The following LBR variants were observed in gnomAD, a reference collection of about 807,000 sequenced individuals.
LBR encodes delta(14)-sterol reductase LBR.
A neutral mutation model predicts 74.3 loss-of-function variants in LBR; 28 were observed. That is an observed-to-expected ratio of 0.38 (90% confidence interval 0.28 to 0.52). The LOEUF (loss-of-function observed/expected upper bound fraction) is 0.52. Ranked by LOEUF, LBR falls within the 20% of genes least tolerant of loss-of-function variation. The probability of loss-of-function intolerance (pLI) is 0.89; values close to 1 mark genes in which losing one functional copy is unlikely to be tolerated. For missense variants in LBR, 717 were observed against 760.3 expected (o/e 0.94, Z 0.67); for synonymous variants, 228 against 269.3 (o/e 0.85, Z 1.50).
At chr1:225,406,426 T>C in intron 11 of LBR, 1 of 384,960 alleles carries the variant, frequency 2.6e-6, no homozygotes, top group South Asian at 6.5e-5. Context: ...TTAAATTTAT[T>C]AAATTTAAAA....
Position 225,402,140 on chromosome 1 carries a change from C to T in LBR, c.*1163G>A, listed in dbSNP as rs186699858. Reference sequence around the variant, plus strand: ...TGCACATCTATTAAACTAAAAGAAACGACTTTAACCCCTTCAGTTGTTTTT... The same window carrying T: ...TGCACATCTATTAAACTAAAAGAAATGACTTTAACCCCTTCAGTTGTTTTT... On this transcript the variant is annotated 3_prime_UTR_variant, in exon 14 of 14. Coordinates refer to ENST00000272163, the MANE Select transcript of LBR (RefSeq NM_002296.4). The T allele has an allele frequency of 2.0e-5, 3 of 152,250 alleles. No individual in the cohort carries two copies. The highest frequency in any genetic ancestry group is 6.5e-5 in the Admixed American group (1 of 15,304). 9.4% of individuals were successfully genotyped at this position (152,250 alleles called of 1,614,324 possible).
In LBR at chr1:225,410,274, C is replaced by T; in HGVS notation, c.1314+17G>A. 3.7e-6 allele frequency: 6 copies of T among 1,613,816 alleles called. No homozygotes were observed. Among genetic ancestry groups the T allele is most frequent in the Non-Finnish European group, 5.1e-6 (6 of 1,179,862 alleles). Reference sequence around the variant, plus strand: ...AAGCCATCTGACTCCAAGGCCTCGGCTCTTAAAATTAATTACCTCATTCCA... The same window carrying T: ...AAGCCATCTGACTCCAAGGCCTCGGTTCTTAAAATTAATTACCTCATTCCA... On this transcript the variant is annotated intron_variant, in intron 10 of 13. Transcript: ENST00000272163.
Position 225,401,730 on chromosome 1 carries a change from T to C in LBR, c.*1573A>G, listed in dbSNP as rs948540156. 6.6e-6 allele frequency: 1 copy of C among 152,178 alleles called. No homozygotes were observed. Among genetic ancestry groups the C allele is most frequent in the African/African-American group, 2.4e-5 (1 of 41,426 alleles). The allele number at this position is 152,178 out of a possible 1,614,324, so 9.4% of individuals were successfully genotyped here. Reference sequence around the variant, plus strand: ...CAGTACAGAAAACGCCACCACTTTCTGATGCCAGGAGAAAAGCAAAATAAA... The same window carrying C: ...CAGTACAGAAAACGCCACCACTTTCCGATGCCAGGAGAAAAGCAAAATAAA... On this transcript the variant is annotated 3_prime_UTR_variant, in exon 14 of 14. Transcript: ENST00000272163.
upstream of LBR, chr1:225,428,609 C>T (rs2096146039): frequency 6.6e-6 from 1 of 152,190 alleles, no homozygotes; most frequent in South Asian, 2.1e-4. Flanking sequence ...CTTTTGTGTC[C>T]GCGGCCGCTG....
At chr1:225,419,957 G>A (rs2096124580) in intron 3 of LBR, among the ~76,000 whole-genome samples, 159 bp from the exon 4 acceptor site, 2 of 152,076 alleles carry the variant, frequency 1.3e-5, no homozygotes, top group Admixed American at 1.3e-4. Context: ...AAATGAAAAG[G>A]AATAAAACTG....
rs948117253 is a variant in LBR at position 225,417,136 on chromosome 1, G to C, written c.837+848C>G. The stretch of plus-strand genomic sequence containing the variant: ...CTGAATTTAACTGTAGAGGCTTACT[G>C]TAGAAATGACTGAAGGTCTTTATCA... On this transcript the variant is annotated intron_variant, in intron 6 of 13. Coordinates refer to ENST00000272163, the MANE Select transcript of LBR (RefSeq NM_002296.4). 2.0e-5 allele frequency among the ~76,000 whole-genome samples: 3 copies of C among 152,112 alleles called. No individual in the cohort carries two copies. In the East Asian group the frequency reaches 5.8e-4, roughly 29 times the overall value.
intron 5 of LBR, among the ~76,000 whole-genome samples, 200 bp from the exon 6 acceptor site, chr1:225,418,380 A>C (rs1460034871): frequency 1.3e-5 from 2 of 151,970 alleles, no homozygotes; most frequent in African/African-American, 4.8e-5. Context: ...TAGTAAAAAA[A>C]ATAAATAAAT....
At chr1:225,422,471 G>A in intron 2 of LBR, 194 bp from the exon 3 acceptor site, 2 of 610,336 alleles carry the variant, frequency 3.3e-6, no homozygotes, top group Non-Finnish European at 5.9e-6. Context: ...TCTTTCATGA[G>A]ACAAATGCAG....
intron 9 of LBR, among the ~76,000 whole-genome samples, chr1:225,410,658 C>T (rs892879237): frequency 2.0e-5 from 3 of 152,186 alleles, no homozygotes; most frequent in African/African-American, 4.8e-5. Flanking sequence ...AAAGAGAACA[C>T]TGGAATGACC....
upstream of LBR, among the ~76,000 whole-genome samples, chr1:225,428,461 A>C (rs1235536681): frequency 6.6e-6 from 1 of 152,168 alleles, no homozygotes; most frequent in African/African-American, 2.4e-5. Flanking sequence ...AAGAAAACTA[A>C]TACATTCTTG....
At chr1:225,416,213 A>G (rs1538929) in intron 6 of LBR, among the ~76,000 whole-genome samples, 91,042 of 138,134 alleles carry the variant, frequency 0.66, 32,424 homozygotes, top group East Asian at 0.87. Flanking sequence ...AAAAAAAAAA[A>G]AGAGAGAGAG....
chr1:225,415,204 T>C (rs1202523511), intron 7 of LBR, 74 bp downstream of exon 7: 4 of 1,024,468 alleles, frequency 3.9e-6, no homozygotes, highest in Non-Finnish European at 6.0e-6. Context: ...TCTAATCAGC[T>C]TTAACAAAGA....
At chr1:225,425,654 T>C (rs2096137700) in intron 1 of LBR, among the ~76,000 whole-genome samples, 1 of 152,136 alleles carries the variant, frequency 6.6e-6, no homozygotes, top group Non-Finnish European at 1.5e-5. Context: ...AGCCTCCAAG[T>C]ACAAAGAAAG....
At chr1:225,419,624 C>T in intron 4 of LBR, 91 bp downstream of exon 4, 1 of 1,069,536 alleles carries the variant, frequency 9.3e-7, no homozygotes, top group South Asian at 1.3e-5. Context: ...TAAAATATTA[C>T]AATTTTCAAT....
intron 7 of LBR, chr1:225,414,328 T>A (rs925029422): frequency 8.8e-6 from 3 of 342,514 alleles, no homozygotes; most frequent in African/African-American, 6.4e-5. Context: ...CTAAACAAAG[T>A]ATCCAAAGTT....
At position 225,412,534 on chromosome 1, in the gene LBR, A is replaced by C. The variant is rs950583872; in HGVS notation, c.1004T>G (p.Val335Gly). 1 of 1,614,162 alleles carries C rather than the reference A, an allele frequency of 6.2e-7. No individual in the cohort carries two copies. Among genetic ancestry groups the C allele is most frequent in the Non-Finnish European group, 8.5e-7 (1 of 1,180,030 alleles). Residue 335 changes from valine (V) to glycine (G), a missense_variant, in exon 8 of 14, where the codon GTT (valine) becomes GGT (glycine). By Grantham distance (109) the Val-to-Gly change is moderately radical (BLOSUM62 -3). Coordinates refer to ENST00000272163, the MANE Select transcript of LBR (RefSeq NM_002296.4). ...HFLQFALAATVFCVVLSVYLY... is the reference protein window; with the variant it reads ...HFLQFALAATGFCVVLSVYLY... ...ATACACACTCAAGACCACACAAAAA[A>C]CAGTGGCCGCAAGTGCAAACTGAAG...
chr1:225,414,015 G>A (rs1423742671), intron 7 of LBR: 1 of 456,754 alleles, frequency 2.2e-6, no homozygotes, highest in South Asian at 1.5e-5. Flanking sequence ...TGGCGGCAAA[G>A]TCAACAACCC....
intron 8 of LBR, among the ~76,000 whole-genome samples, chr1:225,412,169 A>G (rs775927363): frequency 6.6e-6 from 1 of 152,204 alleles, no homozygotes; most frequent in East Asian, 1.9e-4. Flanking sequence ...CAAAGAAATA[A>G]TATTTGTCAT....
chr1:225,417,276 A>G (rs1252333548), intron 6 of LBR, among the ~76,000 whole-genome samples: 4 of 152,218 alleles, frequency 2.6e-5, no homozygotes, highest in Admixed American at 6.5e-5. Context: ...TGGTTTACAG[A>G]CAGTTGGCAA....
Sources: gnomAD v4.1 joint callset for allele counts (sites outside exome capture counted in the v4.1 genomes callset) on GRCh38, gnomAD v4.1.1 for gene constraint, MANE v1.5 for transcripts, NCBI Gene and HGNC (gene_info 2026-07-23, HGNC 2026-07-21) for gene names.